Variants in MPPED2 observed in about 807,000 individuals in gnomAD.
The protein encoded by MPPED2 is metallophosphoesterase domain containing 2.
MPPED2 carries 5 observed loss-of-function variants against 33.0 expected under a neutral mutation model. The observed-to-expected ratio is 0.15, with a 90% CI of 0.08 to 0.32. The LOEUF is 0.32. Among genes scored for constraint, MPPED2 ranks in the 10% least tolerant of loss-of-function variants. MPPED2 has a pLI of 1.00. For synonymous variants in MPPED2, 136 were observed against 141.9 expected (o/e 0.96, Z 0.29); for missense variants, 275 against 372.1 (o/e 0.74, Z 2.15).
At chr11:30,496,624 CTTG>C (rs1269709897) in intron 3 of MPPED2, among the ~76,000 whole-genome samples, 3 of 138,454 alleles carry the variant, frequency 2.2e-5, no homozygotes, top group Admixed American at 8.6e-5. Context: ...ATTGGATACA[CTTG>C]TTGTAAGAAC....
rs1297070279 is a variant in MPPED2 at position 30,410,448 on chromosome 11, A to G, written c.*1020T>C. The G allele has an allele frequency of 1.0e-6, 1 of 970,464 alleles. No homozygotes were observed. Among genetic ancestry groups the G allele is most frequent in the Admixed American group, 6.7e-5 (1 of 14,838 alleles). 60.1% of individuals were successfully genotyped at this position (970,464 alleles called of 1,614,324 possible). A position where few individuals can be genotyped will look rare whatever the true frequency, so the allele number is the denominator to read the frequency against. Reference sequence around the variant, plus strand: ...CACAGTGCAAAATGGGAGAGGGGAGAGGAAGTAAGAAGACAACTTGGGGTA... The same window carrying G: ...CACAGTGCAAAATGGGAGAGGGGAGGGGAAGTAAGAAGACAACTTGGGGTA... On this transcript the variant is annotated 3_prime_UTR_variant, in exon 7 of 7. Coordinates refer to ENST00000358117, the MANE Select transcript of MPPED2 (RefSeq NM_001584.3).
intron 4 of MPPED2, among the ~76,000 whole-genome samples, chr11:30,481,701 A>G (rs1951495120): frequency 6.6e-6 from 1 of 152,166 alleles, no homozygotes. Flanking sequence ...CCCAAGTACC[A>G]GGGTGTCACA....
intron 4 of MPPED2, among the ~76,000 whole-genome samples, chr11:30,423,261 C>T (rs990138607): frequency 6.6e-6 from 1 of 152,146 alleles, no homozygotes; most frequent in African/African-American, 2.4e-5. Context: ...GCCTGTTATC[C>T]TCAGGTGGGC....
intron 2 of MPPED2, among the ~76,000 whole-genome samples, chr11:30,542,331 G>A (rs567786728): frequency 6.6e-6 from 1 of 151,928 alleles, no homozygotes; most frequent in Non-Finnish European, 1.5e-5. Flanking sequence ...AAATAAACAC[G>A]AGCCAGGTTC....
At chr11:30,447,380 C>A (rs1949858391) in intron 4 of MPPED2, among the ~76,000 whole-genome samples, 1 of 152,118 alleles carries the variant, frequency 6.6e-6, no homozygotes, top group Non-Finnish European at 1.5e-5. Flanking sequence ...AAAGAGGAGG[C>A]CTAATTAATC....
At chr11:30,456,862 G>A (rs1950301495) in intron 4 of MPPED2, among the ~76,000 whole-genome samples, 1 of 152,026 alleles carries the variant, frequency 6.6e-6, no homozygotes, top group South Asian at 2.1e-4. Flanking sequence ...CACTCCATGG[G>A]CACTAATTAT....
intron 4 of MPPED2, among the ~76,000 whole-genome samples, chr11:30,442,134 TGAA>T (rs377660980): frequency 1.4e-4 from 21 of 152,240 alleles, no homozygotes; most frequent in African/African-American, 4.6e-4. Flanking sequence ...GGGAAGAATG[TGAA>T]GAAGAACAGA....
intron 2 of MPPED2, among the ~76,000 whole-genome samples, chr11:30,547,852 A>T (rs499647): frequency 0.59 from 89,640 of 152,024 alleles, 26,794 homozygotes; most frequent in African/African-American, 0.68. Flanking sequence ...TTTAAAAAAA[A>T]TATTCTTTTG....
At chr11:30,507,680 A>T (rs559329734) in intron 3 of MPPED2, among the ~76,000 whole-genome samples, 6 of 152,230 alleles carry the variant, frequency 3.9e-5, no homozygotes, top group African/African-American at 1.4e-4. Flanking sequence ...AACATTTACT[A>T]CTATAAGAGC....
chr11:30,518,793 C>G (rs1448319422), intron 3 of MPPED2, among the ~76,000 whole-genome samples: 1 of 152,174 alleles, frequency 6.6e-6, no homozygotes, highest in Non-Finnish European at 1.5e-5. Context: ...AGAAGTCCTT[C>G]CTGCCTTCCC....
In MPPED2 at chr11:30,410,557, T is replaced by C; in HGVS notation, c.*911A>G. ...GTCTATACATGCCTGTAACTGTACC[T>C]AGATTTAACTCAAGCTCTTTAAGAC... On this transcript the variant is annotated 3_prime_UTR_variant, in exon 7 of 7. Coordinates refer to ENST00000358117, the MANE Select transcript of MPPED2 (RefSeq NM_001584.3). The C allele has an allele frequency of 1.0e-6, 1 of 985,754 alleles. No individual in the cohort carries two copies. The highest frequency in any genetic ancestry group is 1.2e-6 in the Non-Finnish European group (1 of 829,926). The allele number at this position is 985,754 out of a possible 1,614,324, so 61.1% of individuals were successfully genotyped here.
chr11:30,561,226 C>T (rs188032143), intron 2 of MPPED2, among the ~76,000 whole-genome samples: 96 of 152,214 alleles, frequency 6.3e-4, no homozygotes, highest in South Asian at 1.5e-3. Flanking sequence ...CCAGTATATT[C>T]ACTAGTTGGA....
At chr11:30,463,114 A>G (rs1022912761) in intron 4 of MPPED2, among the ~76,000 whole-genome samples, 1 of 152,194 alleles carries the variant, frequency 6.6e-6, no homozygotes. Flanking sequence ...AGAAATCTCT[A>G]CCACCTTGTC....
In MPPED2 at chr11:30,433,127, C is replaced by T. The variant is rs1014809790; in HGVS notation, c.537-15494G>A. Among the ~76,000 whole-genome samples the T allele has an allele frequency of 3.7e-4, 57 of 152,252 alleles. 1 individual carries two copies. The highest frequency in any genetic ancestry group is 5.9e-4 in the Non-Finnish European group (40 of 68,022). On this transcript the variant is annotated intron_variant, in intron 4 of 6. Coordinates refer to ENST00000358117, the MANE Select transcript of MPPED2 (RefSeq NM_001584.3). ...GGTGTAACTTTTAAGGGTAGTGTTT[C>T]TCATACTATGACCAATAAATCTGAT... is the stretch of plus-strand genomic sequence containing the variant.
intron 4 of MPPED2, among the ~76,000 whole-genome samples, chr11:30,494,757 AAAAG>A (rs1554982031): frequency 5.8e-5 from 7 of 120,888 alleles, no homozygotes; most frequent in East Asian, 2.0e-4. Context: ...AAAAAAAAAA[AAAAG>A]AAAGAAAGAA....
chr11:30,511,374 C>T (rs1953179797), intron 3 of MPPED2, among the ~76,000 whole-genome samples: 1 of 152,070 alleles, frequency 6.6e-6, no homozygotes, highest in South Asian at 2.1e-4. Flanking sequence ...AAGTAAATAA[C>T]CTATCAACAT....
chr11:30,425,764 G>A (rs76592318), intron 4 of MPPED2: 1,700 of 152,292 alleles, frequency 0.011, 40 homozygotes, highest in African/African-American at 0.036. Context: ...GAGAGGAAAC[G>A]CGGTGAACTT....
At chr11:30,530,488 A>G (rs1954460198) in intron 3 of MPPED2, among the ~76,000 whole-genome samples, 1 of 152,266 alleles carries the variant, frequency 6.6e-6, no homozygotes. Context: ...GGATGCACAG[A>G]CTGGTGACTG....
At chr11:30,434,635 C>T (rs150634507) in intron 4 of MPPED2, among the ~76,000 whole-genome samples, 42 of 152,246 alleles carry the variant, frequency 2.8e-4, no homozygotes, top group South Asian at 2.3e-3. Flanking sequence ...CCAGAGTACA[C>T]GGAGATAACA....
Sources: gnomAD v4.1 joint callset for allele counts (sites outside exome capture counted in the v4.1 genomes callset) on GRCh38, gnomAD v4.1.1 for gene constraint, MANE v1.5 for transcripts, NCBI Gene and HGNC (gene_info 2026-07-23, HGNC 2026-07-21) for gene names.